The following EFCAB7 variants were observed in gnomAD, a reference collection of about 807,000 sequenced individuals.
EFCAB7 encodes the protein EF-hand calcium-binding domain-containing protein 7.
EFCAB7 carries 66 observed loss-of-function variants against 77.1 expected under a neutral mutation model. The ratio of observed to expected loss-of-function variants is 0.86; its 90% CI spans 0.70 to 1.05. The LOEUF (loss-of-function observed/expected upper bound fraction) is 1.05, where lower values mean the gene tolerates loss of function less well. EFCAB7 is among the 50% of genes least tolerant of loss of function. The pLI is 0.00. For missense variants in EFCAB7, 638 were observed against 730.5 expected (o/e 0.87, Z 1.46); for synonymous variants, 225 against 243.3 (o/e 0.92, Z 0.70).
At chr1:63,538,171 C>A (rs549851412) in intron 6 of EFCAB7, among the ~76,000 whole-genome samples, 1 of 152,260 alleles carries the variant, frequency 6.6e-6, no homozygotes, top group East Asian at 1.9e-4. Context: ...ATAAGAATTA[C>A]AAGCTATTAT....
chr1:63,527,670 GATTAA>G (rs1646619102), intron 2 of EFCAB7, among the ~76,000 whole-genome samples: 2 of 152,280 alleles, frequency 1.3e-5, no homozygotes, highest in Non-Finnish European at 2.9e-5. Context: ...TAAACCTAGA[GATTAA>G]AGTTAGTAGG....
At position 63,533,446 on chromosome 1, in the gene EFCAB7, TC is replaced by T. The variant is rs1646725026; in HGVS notation, c.487-6del. ...TGTTTTACCCACTGGACTTTTTTTT[TC>T]CTGTAGTTTTGTAAATTATATATGA... On this transcript the variant is annotated splice_region_variant and splice_polypyrimidine_tract_variant and intron_variant, in intron 4 of 13. Transcript: ENST00000371088. 3 of 1,595,194 alleles carry T rather than the reference TC, an allele frequency of 1.9e-6. No individual in the cohort carries two copies. The highest frequency in any genetic ancestry group is 1.1e-5 in the South Asian group (1 of 87,380).
At chr1:63,582,098 G>C in the EFCAB7 span, among the ~76,000 whole-genome samples, 2 of 152,198 alleles carry the variant, frequency 1.3e-5, no homozygotes, top group African/African-American at 2.4e-5. Context: ...TGCATGCTGT[G>C]ATGCTAAACT....
rs188517567 is a variant in EFCAB7 at position 63,536,100 on chromosome 1, G to T, written c.804+1884G>T. On this transcript the variant is annotated intron_variant, in intron 6 of 13. Transcript: ENST00000371088. Reference sequence around the variant, plus strand: ...AGGGAATGGTGTGGATGATAATTGGGAATTAGGTAAAAGGTACTAAGATAA... The same window carrying T: ...AGGGAATGGTGTGGATGATAATTGGTAATTAGGTAAAAGGTACTAAGATAA... 9.9e-4 allele frequency among the ~76,000 whole-genome samples: 150 copies of T among 152,248 alleles called. 1 individual carries two copies. Among genetic ancestry groups the T allele is most frequent in the Non-Finnish European group, 1.7e-3 (115 of 68,000 alleles).
intron 8 of EFCAB7, among the ~76,000 whole-genome samples, chr1:63,554,293 A>C (rs1647002059): frequency 6.6e-6 from 1 of 152,196 alleles, no homozygotes; most frequent in South Asian, 2.1e-4. Context: ...GGGCTCCAAA[A>C]AGCTCTTAGG....
chr1:63,569,822 T>C (rs1413175735), intron 12 of EFCAB7: 1 of 152,222 alleles, frequency 6.6e-6, no homozygotes, highest in African/African-American at 2.4e-5. Context: ...GGACCAATCA[T>C]GCCTCAGAGG....
chr1:63,560,468 A>AT (rs1488327175), intron 10 of EFCAB7, among the ~76,000 whole-genome samples: 5 of 121,890 alleles, frequency 4.1e-5, no homozygotes, highest in East Asian at 4.9e-4. Context: ...ATCTGCATTT[A>AT]TTTTTTCCCC....
chr1:63,545,401 T>G (rs74634010), intron 6 of EFCAB7, among the ~76,000 whole-genome samples: 2,689 of 152,282 alleles, frequency 0.018, 96 homozygotes, highest in African/African-American at 0.061. Flanking sequence ...TTTTAGGAAC[T>G]TAGATTATAG....
intron 11 of EFCAB7, among the ~76,000 whole-genome samples, chr1:63,563,800 G>A (rs1647138691): frequency 6.6e-6 from 1 of 151,810 alleles, no homozygotes; most frequent in East Asian, 1.9e-4. Flanking sequence ...AATTTAGGCT[G>A]TAGAATTACT....
Position 63,555,508 on chromosome 1 carries a change from G to T in EFCAB7, c.1207G>T (p.Glu403Ter). The T allele has an allele frequency of 6.2e-7, 1 of 1,611,068 alleles. No homozygotes were observed. The highest frequency in any genetic ancestry group is 1.1e-5 in the South Asian group (1 of 90,788). ...DETGELFLTK[E>*]FKSTLSDIFE... ...AACAGGGGAATTATTCCTTACAAAG[G>T]AATTTAAGTAAGTTTTGTTTATTAA... The change falls in exon 9 of 14, where the codon GAA (glutamate) becomes TAA (stop). Residue 403 changes from glutamate (E) to a stop codon, truncating the protein, a stop_gained. Coordinates refer to ENST00000371088, the MANE Select transcript of EFCAB7 (RefSeq NM_032437.4). LOFTEE classifies it high-confidence loss of function.
At chr1:63,566,527 A>T (rs1647175553) in intron 11 of EFCAB7, among the ~76,000 whole-genome samples, 2 of 152,206 alleles carry the variant, frequency 1.3e-5, no homozygotes, top group Admixed American at 1.3e-4. Context: ...AAATTAGAGA[A>T]TATGTTTTAA....
At chr1:63,563,418 C>G (rs1252473141) in intron 11 of EFCAB7, among the ~76,000 whole-genome samples, 1 of 152,202 alleles carries the variant, frequency 6.6e-6, no homozygotes, top group Non-Finnish European at 1.5e-5. Flanking sequence ...CTATGCTGAT[C>G]AGGCACAGTC....
intron 6 of EFCAB7, among the ~76,000 whole-genome samples, chr1:63,537,259 G>A (rs1646774083): frequency 1.3e-5 from 2 of 152,278 alleles, no homozygotes; most frequent in Admixed American, 1.3e-4. Context: ...GCTAAGACCA[G>A]TCATGTCTAG....
At chr1:63,561,117 C>T (rs1025018394) in intron 10 of EFCAB7, among the ~76,000 whole-genome samples, 3 of 152,206 alleles carry the variant, frequency 2.0e-5, no homozygotes, top group Non-Finnish European at 4.4e-5. Flanking sequence ...TTAAAACAGG[C>T]ATAGACTTAC....
At chr1:63,566,185 T>C (rs1050833309) in intron 11 of EFCAB7, among the ~76,000 whole-genome samples, 1 of 152,238 alleles carries the variant, frequency 6.6e-6, no homozygotes, top group African/African-American at 2.4e-5. Flanking sequence ...AATGAGGTCA[T>C]GTCCTTTGCA....
At chr1:63,538,172 A>G (rs1646785165) in intron 6 of EFCAB7, among the ~76,000 whole-genome samples, 1 of 152,204 alleles carries the variant, frequency 6.6e-6, no homozygotes, top group Non-Finnish European at 1.5e-5. Context: ...TAAGAATTAC[A>G]AGCTATTATT....
At chr1:63,584,754 C>T in the EFCAB7 span, among the ~76,000 whole-genome samples, 1 of 152,150 alleles carries the variant, frequency 6.6e-6, no homozygotes, top group African/African-American at 2.4e-5. Context: ...TAACAAATAA[C>T]ATTTTCCTTT....
chr1:63,557,424 ATAGT>A (rs1276391985), intron 10 of EFCAB7, among the ~76,000 whole-genome samples, 177 bp downstream of exon 10: 1 of 152,170 alleles, frequency 6.6e-6, no homozygotes, highest in Non-Finnish European at 1.5e-5. Flanking sequence ...TCTTAAACCG[ATAGT>A]TGGTATAATA....
Position 63,555,513 on chromosome 1 carries a change from T to G in EFCAB7, c.1212T>G (p.Phe404Leu), listed in dbSNP as rs533005548. Residue 404 changes from phenylalanine (F) to leucine (L), a missense_variant and splice_region_variant, in exon 9 of 14, where the codon TTT becomes TTG. By Grantham distance (22) the Phe-to-Leu change is conservative. Transcript: ENST00000371088. ...GGGAATTATTCCTTACAAAGGAATT[T>G]AAGTAAGTTTTGTTTATTAATGTTA... ...ETGELFLTKE[F>L]KSTLSDIFEV... The G allele has an allele frequency of 2.5e-6, 4 of 1,610,500 alleles. No homozygotes were observed. In the African/African-American group the frequency reaches 4.0e-5, roughly 16 times the overall value.
Sources: allele counts gnomAD v4.1 joint callset (sites outside exome capture counted in the v4.1 genomes callset), GRCh38; gene constraint gnomAD v4.1.1; transcripts MANE v1.5; gene names NCBI Gene and HGNC (gene_info 2026-07-23, HGNC 2026-07-21).